PDLIM5: variants seen among roughly 807,000 people sequenced by gnomAD.
The protein encoded by PDLIM5 is PDZ and LIM domain protein 5.
PDLIM5 carries 34 observed loss-of-function variants against 64.2 expected under a neutral mutation model. The ratio of observed to expected loss-of-function variants is 0.53; its 90% confidence interval spans 0.40 to 0.71. The LOEUF (loss-of-function observed/expected upper bound fraction) is 0.71. PDLIM5 is among the 30% of genes least tolerant of loss of function. The probability of loss-of-function intolerance (pLI) is 0.00; values close to 1 mark genes in which losing one functional copy is unlikely to be tolerated. For missense variants in PDLIM5, 683 were observed against 733.6 expected (o/e 0.93, Z 0.80); for synonymous variants, 253 against 269.1 (o/e 0.94, Z 0.59).
Position 94,665,016 on chromosome 4 carries a change from T to C in PDLIM5, c.*949T>C. 2.0e-6 allele frequency: 2 copies of C among 982,998 alleles called. No individual in the cohort carries two copies. Among genetic ancestry groups the C allele is most frequent in the African/African-American group, 1.7e-5 (1 of 57,352 alleles). The allele number at this position is 982,998 out of a possible 1,614,324, so 60.9% of individuals were successfully genotyped here. A position where few individuals can be genotyped will look rare whatever the true frequency, so the allele number is the denominator to read the frequency against. ...ATTTCTTCCCCACCCAAAAATAAGC[T>C]ACCATATAGCTTATAAGTCTCAAAT... On this transcript the variant is annotated 3_prime_UTR_variant, in exon 13 of 13. Coordinates refer to ENST00000317968, the MANE Select transcript of PDLIM5 (RefSeq NM_006457.5).
intron 3 of PDLIM5, among the ~76,000 whole-genome samples, chr4:94,558,424 G>A (rs1161295290): frequency 6.6e-6 from 1 of 152,172 alleles, no homozygotes; most frequent in African/African-American, 2.4e-5. Context: ...AAAAAGGCTA[G>A]CATTTAATTG....
chr4:94,513,984 T>C (rs910797341), intron 2 of PDLIM5, among the ~76,000 whole-genome samples: 2 of 152,180 alleles, frequency 1.3e-5, no homozygotes, highest in African/African-American at 2.4e-5. Context: ...AATGATCATA[T>C]GGTTTTTGTC....
intron 7 of PDLIM5, among the ~76,000 whole-genome samples, chr4:94,600,126 C>T (rs564249774): frequency 1.3e-5 from 2 of 152,014 alleles, no homozygotes; most frequent in Non-Finnish European, 2.9e-5. Context: ...GAGTCCATTA[C>T]AGGAAAATGG....
chr4:94,533,871 C>G (rs764712195), intron 3 of PDLIM5, among the ~76,000 whole-genome samples: 4 of 152,102 alleles, frequency 2.6e-5, no homozygotes, highest in Non-Finnish European at 4.4e-5. Context: ...ATCAGTAGGT[C>G]ATTACCTGAC....
intron 3 of PDLIM5, among the ~76,000 whole-genome samples, chr4:94,566,391 TCC>T (rs1392975327): frequency 6.6e-6 from 1 of 152,202 alleles, no homozygotes; most frequent in African/African-American, 2.4e-5. Context: ...GTTACTGTTT[TCC>T]TTGAAATTGA....
At chr4:94,494,936 G>A (rs1288868319) in intron 2 of PDLIM5, among the ~76,000 whole-genome samples, 1 of 151,988 alleles carries the variant, frequency 6.6e-6, no homozygotes, top group Non-Finnish European at 1.5e-5. Context: ...TTTTAGTACA[G>A]ACGGGGTTTC....
At chr4:94,463,248 A>G (rs1724056220) in intron 2 of PDLIM5, among the ~76,000 whole-genome samples, 1 of 152,206 alleles carries the variant, frequency 6.6e-6, no homozygotes, top group South Asian at 2.1e-4. Context: ...CAACCCTTGA[A>G]CAAAACAGGG....
chr4:94,594,148 A>C (rs1403552428), intron 7 of PDLIM5, among the ~76,000 whole-genome samples: 6 of 152,234 alleles, frequency 3.9e-5, no homozygotes, highest in African/African-American at 1.4e-4. Flanking sequence ...ACCATACCTA[A>C]GTCACTTGAA....
At chr4:94,499,324 T>C (rs1490342621) in intron 2 of PDLIM5, among the ~76,000 whole-genome samples, 1 of 152,090 alleles carries the variant, frequency 6.6e-6, no homozygotes, top group African/African-American at 2.4e-5. Flanking sequence ...TGGAAATAAA[T>C]GGAAACTTTC....
chr4:94,582,886 G>C, intron 5 of PDLIM5: 1 of 603,120 alleles, frequency 1.7e-6, no homozygotes, highest in South Asian at 2.1e-5. Flanking sequence ...TTTTATGCTA[G>C]ATAATTTTGT....
rs533722669 is a variant in PDLIM5, at chr4:94,610,137, T to C, written c.921-7867T>C. On this transcript the variant is annotated intron_variant, in intron 7 of 12. Coordinates refer to ENST00000317968, the MANE Select transcript of PDLIM5 (RefSeq NM_006457.5). ...CTCACTTTCCTTTTTGTTCCTCTCC[T>C]GTTTTTCTTTCCCTACCTGTCAGTT... 2.7e-6 allele frequency: 4 copies of C among 1,456,426 alleles called. No individual in the cohort carries two copies. The African/African-American group carries it at 5.7e-5, about 21-fold the overall frequency. 90.2% of individuals were successfully genotyped at this position (1,456,426 alleles called of 1,614,324 possible). A position where few individuals can be genotyped will look rare whatever the true frequency, so the allele number is the denominator to read the frequency against.
intron 2 of PDLIM5, among the ~76,000 whole-genome samples, chr4:94,494,243 T>C (rs1048766746): frequency 8.6e-5 from 13 of 151,890 alleles, no homozygotes; most frequent in Non-Finnish European, 1.3e-4. Flanking sequence ...GTTGGGATCA[T>C]GGGCTTGAGG....
chr4:94,627,130 C>T (rs971175690), intron 8 of PDLIM5, among the ~76,000 whole-genome samples: 2 of 152,066 alleles, frequency 1.3e-5, no homozygotes, highest in African/African-American at 4.8e-5. Flanking sequence ...CCATCTGCTC[C>T]CCTGCATTTT....
intron 2 of PDLIM5, among the ~76,000 whole-genome samples, chr4:94,516,162 G>A (rs1197888783): frequency 2.6e-5 from 4 of 152,128 alleles, no homozygotes; most frequent in East Asian, 1.9e-4. Flanking sequence ...AGAACAGACC[G>A]TGCTGTATCA....
intron 3 of PDLIM5, among the ~76,000 whole-genome samples, chr4:94,567,235 T>C (rs372657385): frequency 1.5e-3 from 222 of 152,306 alleles, no homozygotes; most frequent in Non-Finnish European, 2.7e-3. Flanking sequence ...CCTCGTGATC[T>C]GCCCACCTTG....
intron 5 of PDLIM5, among the ~76,000 whole-genome samples, chr4:94,576,876 AT>A (rs761089029): frequency 8.6e-5 from 13 of 151,490 alleles, no homozygotes; most frequent in East Asian, 3.9e-4. Context: ...TTATTTGTTT[AT>A]TTTTTTTTAA....
chr4:94,522,665 T>C (rs907799402), intron 2 of PDLIM5, among the ~76,000 whole-genome samples: 4 of 152,208 alleles, frequency 2.6e-5, no homozygotes, highest in Admixed American at 2.6e-4. Flanking sequence ...AAATGTATAA[T>C]TCAGTTGCAT....
At chr4:94,527,079 CAG>C (rs1002841130) in intron 3 of PDLIM5, among the ~76,000 whole-genome samples, 1 of 68,444 alleles carries the variant, frequency 1.5e-5, no homozygotes, top group Non-Finnish European at 2.7e-5. Flanking sequence ...TTTTTTGAGA[CAG>C]AGTCTCACAC....
At chr4:94,540,923 T>C (rs892971073) in intron 3 of PDLIM5, among the ~76,000 whole-genome samples, 7 of 152,194 alleles carry the variant, frequency 4.6e-5, no homozygotes, top group African/African-American at 1.7e-4. Flanking sequence ...TTCAGGAGTG[T>C]TTGCTGTAGT....
Sources: allele counts gnomAD v4.1 joint callset (sites outside exome capture counted in the v4.1 genomes callset), GRCh38; gene constraint gnomAD v4.1.1; transcripts MANE v1.5; gene names NCBI Gene and HGNC (gene_info 2026-07-23, HGNC 2026-07-21).